Variants in LCLAT1 observed in about 807,000 individuals in gnomAD.
The protein encoded by LCLAT1 is 1-AGP acyltransferase 8.
LCLAT1 carries 11 observed loss-of-function variants against 30.7 expected under a neutral mutation model. The observed-to-expected ratio is 0.36, with a 90% CI of 0.23 to 0.59. LCLAT1 has a LOEUF of 0.59. LCLAT1 is among the 20% of genes least tolerant of loss of function. The pLI, the probability that LCLAT1 is intolerant of heterozygous loss-of-function variation, is 0.77. For missense variants in LCLAT1, 402 were observed against 458.6 expected (o/e 0.88, Z 1.13); for synonymous variants, 155 against 151.3 (o/e 1.02, Z -0.18).
intron 1 of LCLAT1, among the ~76,000 whole-genome samples, chr2:30,450,006 G>C (rs1459771359): frequency 6.6e-6 from 1 of 152,064 alleles, no homozygotes; most frequent in Non-Finnish European, 1.5e-5. Context: ...GACATTTATT[G>C]TTTCATTGAA....
chr2:30,621,084 G>A (rs777434077), intron 5 of LCLAT1, among the ~76,000 whole-genome samples: 15 of 152,078 alleles, frequency 9.9e-5, no homozygotes, highest in Non-Finnish European at 1.6e-4. Context: ...TGAAGTTCCG[G>A]TGGCCAGGTA....
At chr2:30,611,315 A>G (rs771924993) in intron 5 of LCLAT1, among the ~76,000 whole-genome samples, 50 of 152,150 alleles carry the variant, frequency 3.3e-4, no homozygotes, top group Admixed American at 1.6e-3. Flanking sequence ...AAAATAAACT[A>G]TATAATGTCC....
intron 3 of LCLAT1, among the ~76,000 whole-genome samples, chr2:30,534,219 CTGTGTGTGTGTGTGTGTGTGTG>C (rs57380693): frequency 7.2e-4 from 94 of 130,578 alleles, no homozygotes; most frequent in Middle Eastern, 3.8e-3. Context: ...AGTTGATTTA[CTGTGTGTGTGTGTGTGTGTGTG>C]TGTGTGTGTG....
chr2:30,527,806 T>A (rs1685790359), intron 2 of LCLAT1, among the ~76,000 whole-genome samples: 1 of 152,200 alleles, frequency 6.6e-6, no homozygotes, highest in African/African-American at 2.4e-5. Flanking sequence ...GGTAAATATT[T>A]GGTATTATAT....
chr2:30,483,517 G>A (rs975519735), intron 1 of LCLAT1, among the ~76,000 whole-genome samples: 8 of 152,174 alleles, frequency 5.3e-5, no homozygotes, highest in South Asian at 2.1e-4. Context: ...CCTCCATAGG[G>A]TTGTTCTGAG....
At chr2:30,490,158 A>G (rs1477577603) in intron 1 of LCLAT1, among the ~76,000 whole-genome samples, 2 of 150,900 alleles carry the variant, frequency 1.3e-5, no homozygotes, top group South Asian at 2.1e-4. Flanking sequence ...TCAAACTTGG[A>G]TAGTCTGACT....
intron 1 of LCLAT1, among the ~76,000 whole-genome samples, chr2:30,449,443 C>T (rs997444547): frequency 6.6e-6 from 1 of 150,910 alleles, no homozygotes; most frequent in African/African-American, 2.4e-5. Flanking sequence ...GTATATTCTT[C>T]TTACTTGTGT....
intron 1 of LCLAT1, among the ~76,000 whole-genome samples, chr2:30,498,119 A>T (rs1047016813): frequency 3.3e-5 from 5 of 152,168 alleles, no homozygotes; most frequent in African/African-American, 4.8e-5. Flanking sequence ...TTGGAGCAAA[A>T]GTTTAATAAG....
intron 1 of LCLAT1, among the ~76,000 whole-genome samples, chr2:30,514,574 A>G (rs190013210): frequency 6.6e-6 from 1 of 152,312 alleles, no homozygotes; most frequent in Non-Finnish European, 1.5e-5. Flanking sequence ...CCTGATAGGT[A>G]TTCGGTGGTC....
intron 3 of LCLAT1, among the ~76,000 whole-genome samples, chr2:30,555,821 ATTTCTTTTTTTCTT>A (rs1394983926): frequency 6.9e-6 from 1 of 144,112 alleles, no homozygotes; most frequent in Non-Finnish European, 1.5e-5. Context: ...TCAACAAACT[ATTTCTTTTTTTCTT>A]TTTCTTTTTT....
At chr2:30,610,724 GT>G (rs1667695645) in intron 5 of LCLAT1, among the ~76,000 whole-genome samples, 1 of 152,042 alleles carries the variant, frequency 6.6e-6, no homozygotes, top group African/African-American at 2.4e-5. Context: ...TGTTACTTGG[GT>G]TTGGGAATCA....
At chr2:30,518,423 G>A (rs561405191) in intron 1 of LCLAT1, among the ~76,000 whole-genome samples, 24 of 152,180 alleles carry the variant, frequency 1.6e-4, no homozygotes, top group African/African-American at 4.8e-4. Context: ...CTGCTCAAAC[G>A]TGCGAGCTGT....
At chr2:30,507,496 G>T (rs1388093323) in intron 1 of LCLAT1, among the ~76,000 whole-genome samples, 2 of 151,936 alleles carry the variant, frequency 1.3e-5, no homozygotes, top group Non-Finnish European at 2.9e-5. Context: ...GTAGGCCCCA[G>T]TGTCCCCTCT....
rs768520648 is a variant in LCLAT1 at position 30,533,211 on chromosome 2, A to G, written c.261A>G (p.Thr87=). 34 of 1,613,922 alleles carry G rather than the reference A, an allele frequency of 2.1e-5. No individual in the cohort carries two copies. The South Asian group carries it at 3.3e-4, about 16-fold the overall frequency. Residue 87 remains threonine (T), a synonymous_variant, in exon 3 of 6, where the codon ACA becomes ACG. Coordinates refer to ENST00000379509, the MANE Select transcript of LCLAT1 (RefSeq NM_001002257.3). ...GTGTCATTATCATGAACCATCGGAC[A>G]AGAATGGACTGGATGTTCCTGTGGA... ...ERSVIIMNHR[T]RMDWMFLWNC... is the part of the protein sequence containing the mutation.
intron 1 of LCLAT1, among the ~76,000 whole-genome samples, chr2:30,500,964 T>C (rs1684347965): frequency 6.6e-6 from 1 of 152,014 alleles, no homozygotes. Flanking sequence ...ATCTGGACAA[T>C]GAGACACCAG....
chr2:30,464,077 G>C (rs900998466), intron 1 of LCLAT1, among the ~76,000 whole-genome samples: 2 of 152,124 alleles, frequency 1.3e-5, no homozygotes, highest in African/African-American at 4.8e-5. Flanking sequence ...GATTCTCTTA[G>C]CAATTGTATG....
At chr2:30,448,266 T>A (rs923193101) in intron 1 of LCLAT1, among the ~76,000 whole-genome samples, 1 of 152,252 alleles carries the variant, frequency 6.6e-6, no homozygotes, top group African/African-American at 2.4e-5. Flanking sequence ...TATCATTAAC[T>A]TATTTGTTCA....
chr2:30,598,393 T>A (rs1667025497), intron 5 of LCLAT1, among the ~76,000 whole-genome samples: 1 of 151,880 alleles, frequency 6.6e-6, no homozygotes, highest in African/African-American at 2.4e-5. Context: ...TCCAAGAATT[T>A]ATCCATTTCT....
At chr2:30,570,634 A>T (rs1665738218) in intron 5 of LCLAT1, among the ~76,000 whole-genome samples, 1 of 152,210 alleles carries the variant, frequency 6.6e-6, no homozygotes, top group South Asian at 2.1e-4. Context: ...TGCTGCTTGT[A>T]TTTATAGTAT....
Sources: gnomAD v4.1 joint callset for allele counts (sites outside exome capture counted in the v4.1 genomes callset) on GRCh38, gnomAD v4.1.1 for gene constraint, MANE v1.5 for transcripts, NCBI Gene and HGNC (gene_info 2026-07-23, HGNC 2026-07-21) for gene names.